The following VAV2 variants were observed in gnomAD, a reference collection of about 807,000 sequenced individuals.
VAV2 encodes guanine nucleotide exchange factor VAV2.
VAV2 carries 67 observed loss-of-function variants against 132.5 expected under a neutral mutation model. The observed-to-expected ratio is 0.51, with a 90% CI of 0.42 to 0.62. VAV2 has a LOEUF of 0.62. Ranked by LOEUF, VAV2 falls within the 20% of genes least tolerant of loss-of-function variation. The pLI is 0.00. For synonymous variants in VAV2, 492 were observed against 443.5 expected (o/e 1.11, Z -1.37); for missense variants, 938 against 1,153.6 (o/e 0.81, Z 2.71).
chr9:133,924,585 A>G (rs1208813185), intron 2 of VAV2, among the ~76,000 whole-genome samples: 2 of 152,168 alleles, frequency 1.3e-5, no homozygotes, highest in Admixed American at 1.3e-4. Flanking sequence ...AGTCACCTAC[A>G]CTGCAGCAGG....
At chr9:133,878,973 T>G (rs1450559450) in intron 2 of VAV2, among the ~76,000 whole-genome samples, 1 of 152,174 alleles carries the variant, frequency 6.6e-6, no homozygotes, top group East Asian at 1.9e-4. Flanking sequence ...ATCCAGCCTT[T>G]GACTCCATGG....
chr9:133,963,416 T>TCA (rs1476152465), intron 1 of VAV2, among the ~76,000 whole-genome samples: 1 of 152,136 alleles, frequency 6.6e-6, no homozygotes, highest in African/African-American at 2.4e-5. Flanking sequence ...CAGCCTGTCC[T>TCA]CATAAGCTGG....
chr9:133,960,178 CCGACAGTCCAG>C (rs1399894812), intron 1 of VAV2, among the ~76,000 whole-genome samples: 1 of 152,208 alleles, frequency 6.6e-6, no homozygotes, highest in African/African-American at 2.4e-5. Flanking sequence ...CAAGCTGGGG[CCGACAGTCCAG>C]CGGATCCCAG....
At chr9:133,987,108 G>A (rs769510080) in intron 1 of VAV2, among the ~76,000 whole-genome samples, 2 of 152,054 alleles carry the variant, frequency 1.3e-5, no homozygotes, top group African/African-American at 4.8e-5. Flanking sequence ...AAGCCCAGCC[G>A]TGGCCCTGCC....
At chr9:133,924,052 G>A (rs1413022522) in intron 2 of VAV2, among the ~76,000 whole-genome samples, 1 of 152,142 alleles carries the variant, frequency 6.6e-6, no homozygotes, top group African/African-American at 2.4e-5. Flanking sequence ...ATGATGAGTT[G>A]ATGGGTGTAG....
rs369877382 is a variant in VAV2 at position 133,831,444 on chromosome 9, G to GA, written c.449+2827dup. Among the ~76,000 whole-genome samples the GA allele has an allele frequency of 2.1e-3, 297 of 138,396 alleles. 1 individual carries two copies. The highest frequency in any genetic ancestry group is 3.8e-3 in the Non-Finnish European group (241 of 62,776). The allele number at this position is 138,396 out of a possible 152,430, so 90.8% of individuals were successfully genotyped here. A position where few individuals can be genotyped will look rare whatever the true frequency, so the allele number is the denominator to read the frequency against. On this transcript the variant is annotated intron_variant, in intron 4 of 29. Coordinates refer to ENST00000371850, the MANE Select transcript of VAV2 (RefSeq NM_001134398.2). ...AGAGCAAAACTCCATCTCAAAAAAA[G>GA]AAAAAAAAAAAATGAAAAAGAAAAT... is the stretch of plus-strand genomic sequence containing the variant.
chr9:133,894,291 C>T (rs146255037), intron 2 of VAV2, among the ~76,000 whole-genome samples: 22 of 152,332 alleles, frequency 1.4e-4, no homozygotes, highest in African/African-American at 4.8e-4. Flanking sequence ...CCATCAGCAC[C>T]GGCTGCAGCC....
chr9:133,985,416 G>T lies in VAV2; in HGVS notation c.204+6659C>A, dbSNP rs572642068. On this transcript the variant is annotated intron_variant, in intron 1 of 29. Coordinates refer to ENST00000371850, the MANE Select transcript of VAV2 (RefSeq NM_001134398.2). Reference sequence around the variant, plus strand: ...CCTACCTCAGCCTCCCGAGTAGCTGGAACTACAGGCGTGTGCCACCACCCC... The same window carrying T: ...CCTACCTCAGCCTCCCGAGTAGCTGTAACTACAGGCGTGTGCCACCACCCC... Among the ~76,000 whole-genome samples, 11 of 152,268 alleles carry T rather than the reference G, an allele frequency of 7.2e-5. No individual in the cohort carries two copies. The South Asian group carries it at 2.3e-3, about 32-fold the overall frequency.
At chr9:133,837,565 G>C (rs535182782) in intron 3 of VAV2, among the ~76,000 whole-genome samples, 24 of 152,144 alleles carry the variant, frequency 1.6e-4, no homozygotes, top group African/African-American at 4.8e-4. Flanking sequence ...CGGGCGCGGT[G>C]GTGGGCGCCT....
At position 133,769,236 on chromosome 9, in the gene VAV2, G is replaced by C. The variant is rs1588151042; in HGVS notation, c.2434+181C>G. ...AGGGCCAAGCCTGACGTGTCCTCAG[G>C]TGCTCGCAGCAGCCTCTGCCCGGCC... On this transcript the variant is annotated intron_variant, in intron 28 of 29. Coordinates refer to ENST00000371850, the MANE Select transcript of VAV2 (RefSeq NM_001134398.2). The surrounding 1 kb of genome is among the most constrained non-coding windows in gnomAD (Gnocchi z 8.1). 1.3e-5 allele frequency among the ~76,000 whole-genome samples: 2 copies of C among 152,216 alleles called. No homozygotes were observed. Among genetic ancestry groups the C allele is most frequent in the East Asian group, 3.9e-4 (2 of 5,182 alleles).
At chr9:133,962,760 G>A (rs1042073495) in intron 1 of VAV2, among the ~76,000 whole-genome samples, 3 of 152,194 alleles carry the variant, frequency 2.0e-5, no homozygotes, top group African/African-American at 4.8e-5. Flanking sequence ...TTCCTTGAAT[G>A]GTTTTCGAGA....
At chr9:133,936,714 G>A (rs888986109) in intron 2 of VAV2, among the ~76,000 whole-genome samples, 18 of 152,136 alleles carry the variant, frequency 1.2e-4, no homozygotes, top group African/African-American at 2.2e-4. Flanking sequence ...AGCTCAGCCC[G>A]GGGGTCTGCA....
Position 133,826,475 on chromosome 9 carries a change from C to T in VAV2, c.449+7797G>A, listed in dbSNP as rs1835991879. Among the ~76,000 whole-genome samples, 1 of 152,306 alleles carries T rather than the reference C, an allele frequency of 6.6e-6. No homozygotes were observed. The highest frequency in any genetic ancestry group is 1.5e-5 in the Non-Finnish European group (1 of 68,008). ...AGCCTGGCTGTGTCTAGGATCACTCCCTCCTCATGCAGCCACCGGAGTGGC... is the reference window on the plus strand; with the variant it reads ...AGCCTGGCTGTGTCTAGGATCACTCTCTCCTCATGCAGCCACCGGAGTGGC... On this transcript the variant is annotated intron_variant, in intron 4 of 29. Coordinates refer to ENST00000371850, the MANE Select transcript of VAV2 (RefSeq NM_001134398.2). This position sits in a 1 kb window ranked among gnomAD's most constrained non-coding sequence, Gnocchi z 4.2.
intron 1 of VAV2, among the ~76,000 whole-genome samples, chr9:133,940,709 T>TGTGTGTGTGTGTGTGTGTGTGTG (rs1314838182): frequency 9.5e-6 from 1 of 105,308 alleles, no homozygotes; most frequent in Non-Finnish European, 2.2e-5. Context: ...GTGTGTGTGT[T>TGTGTGTGTGTGTGTGTGTGTGTG]TCTGAACACT....
At chr9:133,951,254 A>G (rs994874492) in intron 1 of VAV2, among the ~76,000 whole-genome samples, 5 of 152,228 alleles carry the variant, frequency 3.3e-5, no homozygotes, top group Non-Finnish European at 2.9e-5. Context: ...ATGCGACAGC[A>G]AAGTGTCAAA....
intron 2 of VAV2, among the ~76,000 whole-genome samples, chr9:133,917,954 C>T (rs1007415118): frequency 2.0e-5 from 3 of 151,956 alleles, no homozygotes; most frequent in Non-Finnish European, 2.9e-5. Flanking sequence ...CCCTAAGCCC[C>T]GGCCCATCGC....
chr9:133,820,928 G>A (rs775196568), intron 4 of VAV2, among the ~76,000 whole-genome samples: 15 of 147,162 alleles, frequency 1.0e-4, no homozygotes, highest in Non-Finnish European at 1.9e-4. Context: ...GCGAAGACGC[G>A]GCACACGGAA....
At chr9:133,899,472 G>A (rs1045192140) in intron 2 of VAV2, among the ~76,000 whole-genome samples, 26 of 151,862 alleles carry the variant, frequency 1.7e-4, no homozygotes, top group African/African-American at 6.3e-4. Context: ...CCTATAGCAC[G>A]ATCTGAGCTC....
intron 5 of VAV2, among the ~76,000 whole-genome samples, chr9:133,811,263 C>T (rs1430061513): frequency 6.6e-6 from 1 of 152,258 alleles, no homozygotes. Flanking sequence ...CTGCCTGTCT[C>T]TCCCAGCAGG....
Sources: gnomAD v4.1 joint callset for allele counts (sites outside exome capture counted in the v4.1 genomes callset) on GRCh38, gnomAD v4.1.1 for gene constraint, Gnocchi (gnomAD v3.1) non-coding constraint, MANE v1.5 for transcripts, NCBI Gene and HGNC (gene_info 2026-07-23, HGNC 2026-07-21) for gene names.